Variants in FAM81A observed in about 807,000 individuals in gnomAD.
FAM81A encodes family with sequence similarity 81 member A, also known as protein FAM81A.
Under a neutral mutation model 46.7 loss-of-function variants are expected in FAM81A, and 19 were observed. That is an observed-to-expected ratio of 0.41 (90% CI 0.28 to 0.60). The LOEUF (loss-of-function observed/expected upper bound fraction) is 0.60. Among genes scored for constraint, FAM81A ranks in the 20% least tolerant of loss-of-function variants. FAM81A has a pLI of 0.34. For synonymous variants in FAM81A, 183 were observed against 152.9 expected (o/e 1.20, Z -1.45); for missense variants, 377 against 453.5 (o/e 0.83, Z 1.53).
At chr15:59,485,191 T>C (rs1051177235) in intron 3 of FAM81A, among the ~76,000 whole-genome samples, 1 of 152,168 alleles carries the variant, frequency 6.6e-6, no homozygotes, top group South Asian at 2.1e-4. Context: ...GGGGAACTCA[T>C]TGCCCTTAGG....
chr15:59,492,217 G>C, intron 3 of FAM81A, 54 bp from the exon 4 acceptor site: 2 of 1,350,316 alleles, frequency 1.5e-6, no homozygotes. Context: ...AAATGCTTTT[G>C]TGGAAGCACG....
chr15:59,400,715 G>A (rs1270491906), intron 1 of FAM81A, among the ~76,000 whole-genome samples: 1 of 152,200 alleles, frequency 6.6e-6, no homozygotes, highest in East Asian at 1.9e-4. Context: ...AAGCTGCAAT[G>A]CTCTTTTCTT....
intron 1 of FAM81A, among the ~76,000 whole-genome samples, chr15:59,455,144 A>G (rs1452934507): frequency 3.3e-5 from 5 of 149,826 alleles, no homozygotes; most frequent in Admixed American, 2.7e-4. Context: ...CAAGCCATCC[A>G]CTTACCTCAA....
At chr15:59,398,909 C>G (rs2081058685) in intron 1 of FAM81A, among the ~76,000 whole-genome samples, 2 of 152,168 alleles carry the variant, frequency 1.3e-5, no homozygotes, top group South Asian at 4.1e-4. Context: ...ATGGCTCACG[C>G]CTGTAATCCC....
intron 3 of FAM81A, among the ~76,000 whole-genome samples, chr15:59,491,099 A>C (rs1317273980): frequency 6.6e-6 from 1 of 152,198 alleles, no homozygotes; most frequent in Non-Finnish European, 1.5e-5. Context: ...TATATGGAAG[A>C]GATATCTGCA....
intron 3 of FAM81A, among the ~76,000 whole-genome samples, chr15:59,487,696 T>C (rs1348725194): frequency 2.0e-5 from 3 of 151,934 alleles, no homozygotes; most frequent in Non-Finnish European, 4.4e-5. Context: ...CCTACCACAA[T>C]TGAATAATGA....
chr15:59,502,485 C>CTGTGTG (rs71119478), intron 4 of FAM81A, among the ~76,000 whole-genome samples: 7,618 of 138,122 alleles, frequency 0.055, 235 homozygotes, highest in East Asian at 0.11. Flanking sequence ...GTTGACTTCA[C>CTGTGTG]TGTGTGTGTG....
chr15:59,521,505 G>GTT lies in FAM81A; in HGVS notation c.*131_*132dup. 1.8e-6 allele frequency: 2 copies of GTT among 1,107,106 alleles called. No individual in the cohort carries two copies. Among genetic ancestry groups the GTT allele is most frequent in the East Asian group, 5.7e-5 (2 of 34,960 alleles). The allele number at this position is 1,107,106 out of a possible 1,614,324, so 68.6% of individuals were successfully genotyped here. On this transcript the variant is annotated 3_prime_UTR_variant, in exon 9 of 9. Coordinates refer to ENST00000288228, the MANE Select transcript of FAM81A (RefSeq NM_152450.3). ...ATGGCGTGCATGTGCCAAGAAATGT[G>GTT]TTTTTATGGGTCTAAATGTTTACCT... is the stretch of plus-strand genomic sequence containing the variant.
chr15:59,427,011 G>A (rs1029288828), intron 2 of FAM81A, among the ~76,000 whole-genome samples: 9 of 152,072 alleles, frequency 5.9e-5, no homozygotes, highest in South Asian at 2.1e-4. Flanking sequence ...AATTCCCTTC[G>A]CTAAGATCAA....
At chr15:59,503,622 G>A (rs1263135302) in intron 4 of FAM81A, among the ~76,000 whole-genome samples, 1 of 151,912 alleles carries the variant, frequency 6.6e-6, no homozygotes, top group Admixed American at 6.6e-5. Context: ...ACCCAGGCTG[G>A]AGTGCAATGG....
chr15:59,418,461 A>G (rs1275546014), intron 2 of FAM81A, among the ~76,000 whole-genome samples: 11 of 152,214 alleles, frequency 7.2e-5, no homozygotes, highest in African/African-American at 2.2e-4. Context: ...TCTTGAATCC[A>G]TTCTCCCCAA....
chr15:59,418,555 C>T (rs1172391024), intron 2 of FAM81A, among the ~76,000 whole-genome samples: 1 of 152,166 alleles, frequency 6.6e-6, no homozygotes, highest in African/African-American at 2.4e-5. Flanking sequence ...GTTTCCCAAG[C>T]TTGGTGCAAT....
intron 2 of FAM81A, among the ~76,000 whole-genome samples, chr15:59,425,757 G>A (rs372107875): frequency 6.6e-6 from 1 of 152,122 alleles, no homozygotes; most frequent in African/African-American, 2.4e-5. Context: ...TCCTGAGTAA[G>A]TGGGACTACA....
At chr15:59,428,574 A>G (rs1197800066) in intron 2 of FAM81A, among the ~76,000 whole-genome samples, 1 of 140,122 alleles carries the variant, frequency 7.1e-6, no homozygotes, top group East Asian at 2.0e-4. Flanking sequence ...GGTTCCTTTC[A>G]TATTACCTTG....
At chr15:59,488,796 G>A (rs2081949738) in intron 3 of FAM81A, among the ~76,000 whole-genome samples, 1 of 151,924 alleles carries the variant, frequency 6.6e-6, no homozygotes, top group South Asian at 2.1e-4. Context: ...GGGTAACATG[G>A]CGAAACCCTG....
chr15:59,480,798 G>T (rs534210907), intron 3 of FAM81A, among the ~76,000 whole-genome samples: 3 of 152,198 alleles, frequency 2.0e-5, no homozygotes, highest in South Asian at 2.1e-4. Flanking sequence ...ATGATATATT[G>T]TTCCAAAATG....
At chr15:59,443,898 C>T (rs982715726) in intron 1 of FAM81A, 40 of 152,660 alleles carry the variant, frequency 2.6e-4, no homozygotes, top group Admixed American at 2.4e-3. Context: ...CCAAGGGTCC[C>T]ATAGTCCTCA....
chr15:59,468,761 G>T (rs1198477864), intron 3 of FAM81A, among the ~76,000 whole-genome samples: 5 of 151,774 alleles, frequency 3.3e-5, no homozygotes, highest in South Asian at 2.1e-4. Flanking sequence ...GCTAGCTTTT[G>T]AATGTGTTTG....
intron 2 of FAM81A, among the ~76,000 whole-genome samples, chr15:59,405,123 C>T (rs551656127): frequency 6.6e-6 from 1 of 152,334 alleles, no homozygotes; most frequent in South Asian, 2.1e-4. Flanking sequence ...CTTCCCTGAC[C>T]ACTCAGTCTA....
Sources: allele counts gnomAD v4.1 joint callset (sites outside exome capture counted in the v4.1 genomes callset), GRCh38; gene constraint gnomAD v4.1.1; transcripts MANE v1.5; gene names NCBI Gene and HGNC (gene_info 2026-07-23, HGNC 2026-07-21).